The following GPC5 variants were observed in gnomAD, a reference collection of about 807,000 sequenced individuals.
GPC5 encodes glypican-5.
Under a neutral mutation model 53.9 loss-of-function variants are expected in GPC5, and 47 were observed. That is an observed-to-expected ratio of 0.87 (90% confidence interval 0.69 to 1.11). The LOEUF is 1.11. Among genes scored for constraint, GPC5 ranks in the 50% most tolerant of loss-of-function variants. The pLI, the probability that GPC5 is intolerant of heterozygous loss-of-function variation, is 0.00. For missense variants in GPC5, 748 were observed against 713.1 expected (o/e 1.05, Z -0.56); for synonymous variants, 286 against 263.3 (o/e 1.09, Z -0.84).
chr13:92,707,328 T>C (rs567862356), intron 7 of GPC5, among the ~76,000 whole-genome samples: 3 of 152,278 alleles, frequency 2.0e-5, no homozygotes, highest in South Asian at 4.1e-4. Context: ...TAATGAAAGC[T>C]GAACCTAACA....
At chr13:92,326,504 T>C (rs2043252208) in intron 7 of GPC5, among the ~76,000 whole-genome samples, 1 of 152,110 alleles carries the variant, frequency 6.6e-6, no homozygotes, top group Non-Finnish European at 1.5e-5. Flanking sequence ...CTATTAGTCT[T>C]TGTATTATGT....
At chr13:92,822,234 TA>T (rs1266675813) in intron 7 of GPC5, among the ~76,000 whole-genome samples, 2 of 152,142 alleles carry the variant, frequency 1.3e-5, no homozygotes, top group African/African-American at 4.8e-5. Flanking sequence ...ACTATGCAAG[TA>T]TTTTTTTCAA....
chr13:92,519,866 A>G (rs1214094132), intron 7 of GPC5, among the ~76,000 whole-genome samples: 1 of 152,076 alleles, frequency 6.6e-6, no homozygotes, highest in Non-Finnish European at 1.5e-5. Context: ...GATCAACAAA[A>G]TTGATAGACT....
chr13:92,399,999 T>C (rs772225683), intron 7 of GPC5, among the ~76,000 whole-genome samples: 2 of 152,158 alleles, frequency 1.3e-5, no homozygotes, highest in Non-Finnish European at 2.9e-5. Flanking sequence ...ATTGGTGGAA[T>C]TTATGAAAAA....
chr13:91,626,985 C>A (rs560302124), intron 2 of GPC5, among the ~76,000 whole-genome samples: 2 of 121,286 alleles, frequency 1.6e-5, no homozygotes, highest in Non-Finnish European at 3.3e-5. Context: ...CATGTCCCTA[C>A]AAAGGACATG....
At chr13:91,544,683 A>G (rs531207139) in intron 2 of GPC5, among the ~76,000 whole-genome samples, 15 of 152,264 alleles carry the variant, frequency 9.9e-5, no homozygotes, top group Admixed American at 3.9e-4. Flanking sequence ...TGCATGATGT[A>G]TTTGGATGCT....
intron 7 of GPC5, among the ~76,000 whole-genome samples, chr13:92,395,818 G>C (rs1220728964): frequency 6.6e-6 from 1 of 151,194 alleles, no homozygotes; most frequent in Non-Finnish European, 1.5e-5. Context: ...TATCAGTAAG[G>C]TGTTCCCTCC....
chr13:91,968,520 G>T (rs2040211048), intron 6 of GPC5, among the ~76,000 whole-genome samples: 1 of 151,952 alleles, frequency 6.6e-6, no homozygotes, highest in Admixed American at 6.5e-5. Flanking sequence ...GGAGAGCAAT[G>T]GCGCAATCTC....
intron 7 of GPC5, among the ~76,000 whole-genome samples, chr13:92,857,165 A>G (rs1030940817): frequency 6.6e-6 from 1 of 152,144 alleles, no homozygotes; most frequent in African/African-American, 2.4e-5. Context: ...ATGAAGCAGC[A>G]CACATAGAAA....
chr13:91,420,043 T>C lies in GPC5; in HGVS notation c.163+20834T>C, dbSNP rs142030291. Among the ~76,000 whole-genome samples, 711 of 152,268 alleles carry C rather than the reference T, an allele frequency of 4.7e-3. 4 individuals carry two copies. Among genetic ancestry groups the C allele is most frequent in the African/African-American group, 0.016 (661 of 41,552 alleles). ...TTTATCCCAAAGTAGCAAGGAAGGA[T>C]CCTGGGGAGCTGCAGGGATGGCCTC... On this transcript the variant is annotated intron_variant, in intron 1 of 7. Coordinates refer to ENST00000377067, the MANE Select transcript of GPC5 (RefSeq NM_004466.6).
At chr13:91,785,271 C>G (rs2037860658) in intron 5 of GPC5, among the ~76,000 whole-genome samples, 1 of 152,200 alleles carries the variant, frequency 6.6e-6, no homozygotes, top group Admixed American at 6.5e-5. Flanking sequence ...ATATGTGGGG[C>G]TATCCTGAGC....
At chr13:92,645,569 A>G (rs995411967) in intron 7 of GPC5, among the ~76,000 whole-genome samples, 1 of 152,180 alleles carries the variant, frequency 6.6e-6, no homozygotes, top group African/African-American at 2.4e-5. Context: ...TCAGTCATAC[A>G]ATAAGTGCAT....
At chr13:92,778,355 G>A (rs1438023650) in intron 7 of GPC5, among the ~76,000 whole-genome samples, 3 of 152,130 alleles carry the variant, frequency 2.0e-5, no homozygotes, top group Non-Finnish European at 4.4e-5. Context: ...ATTCTAAGGA[G>A]AGCTGTTGAC....
intron 7 of GPC5, among the ~76,000 whole-genome samples, chr13:92,672,573 A>G (rs1220400284): frequency 6.6e-6 from 1 of 152,216 alleles, no homozygotes; most frequent in African/African-American, 2.4e-5. Flanking sequence ...TTATAAAGAC[A>G]TATGCATGCA....
Position 91,664,151 on chromosome 13 carries a change from T to C in GPC5, c.326-29036T>C, listed in dbSNP as rs185862749. On this transcript the variant is annotated intron_variant, in intron 2 of 7. Transcript: ENST00000377067. Reference sequence around the variant, plus strand: ...CAGCAATAATGTCACATTTTGAAAATCAGTGTTGCACAATACAGTATATAA... The same window carrying C: ...CAGCAATAATGTCACATTTTGAAAACCAGTGTTGCACAATACAGTATATAA... Among the ~76,000 whole-genome samples the C allele has an allele frequency of 4.0e-4, 61 of 152,348 alleles. 1 individual carries two copies. The East Asian group carries it at 7.9e-3, about 20-fold the overall frequency.
intron 7 of GPC5, among the ~76,000 whole-genome samples, chr13:92,320,224 T>C (rs1229274939): frequency 1.3e-5 from 2 of 152,184 alleles, no homozygotes; most frequent in Non-Finnish European, 2.9e-5. Context: ...GTTAGCATAA[T>C]GAACTTTCAT....
intron 7 of GPC5, among the ~76,000 whole-genome samples, chr13:92,503,508 C>T (rs1880262022): frequency 6.6e-6 from 1 of 151,138 alleles, no homozygotes; most frequent in Non-Finnish European, 1.5e-5. Flanking sequence ...GCAAAGTAAA[C>T]TCCACAGCAA....
At chr13:92,081,897 GACA>G (rs1323743345) in intron 6 of GPC5, among the ~76,000 whole-genome samples, 10 of 152,100 alleles carry the variant, frequency 6.6e-5, no homozygotes, top group African/African-American at 1.7e-4. Context: ...TTTAGCCTGT[GACA>G]TGAACATAAT....
At chr13:91,467,517 C>T (rs1026473567) in intron 2 of GPC5, among the ~76,000 whole-genome samples, 3 of 152,122 alleles carry the variant, frequency 2.0e-5, no homozygotes, top group Non-Finnish European at 4.4e-5. Context: ...TTCTTATGCT[C>T]TCAGTTCTCT....
Sources: gnomAD v4.1 joint callset for allele counts (sites outside exome capture counted in the v4.1 genomes callset) on GRCh38, gnomAD v4.1.1 for gene constraint, MANE v1.5 for transcripts, NCBI Gene and HGNC (gene_info 2026-07-23, HGNC 2026-07-21) for gene names.